Variants in TRMT11 observed in about 807,000 individuals in gnomAD.
TRMT11 encodes the protein tRNA methyltransferase 11.
A neutral mutation model predicts 62.8 loss-of-function variants in TRMT11; 53 were observed. That is an observed-to-expected ratio of 0.84 (90% CI 0.68 to 1.06). TRMT11 has a LOEUF of 1.06. TRMT11 is among the 50% of genes least tolerant of loss of function. TRMT11 has a pLI of 0.00. For missense variants in TRMT11, 556 were observed against 553.4 expected (o/e 1.00, Z -0.05); for synonymous variants, 188 against 190.3 (o/e 0.99, Z 0.10).
Position 125,999,523 on chromosome 6 carries a change from A to G in TRMT11, c.589A>G (p.Thr197Ala). 1.2e-6 allele frequency: 2 copies of G among 1,612,172 alleles called. No homozygotes were observed. Among genetic ancestry groups the G allele is most frequent in the Non-Finnish European group, 1.7e-6 (2 of 1,178,844 alleles). Residue 197 changes from threonine to alanine, a missense_variant, in exon 7 of 13, where the codon ACA (threonine) becomes GCA (alanine). Thr to Ala is a moderately conservative substitution (Grantham distance 58, BLOSUM62 0). Transcript: ENST00000334379. ...CAAAAAGAGACACTTTATTGGAAATACAAGTATGGATGCTGGTTTGTCATT... is the reference window on the plus strand; with the variant it reads ...CAAAAAGAGACACTTTATTGGAAATGCAAGTATGGATGCTGGTTTGTCATT... ...SVKKRHFIGN[T>A]SMDAGLSFIM...
intron 16 of TRMT11, among the ~76,000 whole-genome samples, chr6:126,046,203 A>C (rs1776051748): frequency 6.6e-6 from 1 of 152,160 alleles, no homozygotes. Flanking sequence ...ACTGGTGAAG[A>C]TGCTGTCAAT....
At chr6:126,127,805 GA>G (rs1777736082) in intron 21 of TRMT11, among the ~76,000 whole-genome samples, 2 of 151,978 alleles carry the variant, frequency 1.3e-5, no homozygotes, top group Non-Finnish European at 2.9e-5. Flanking sequence ...CTGTGAGGGA[GA>G]ATAGTCTGGA....
intron 1 of TRMT11, among the ~76,000 whole-genome samples, chr6:125,993,128 C>T (rs1376470813): frequency 2.0e-5 from 3 of 152,038 alleles, no homozygotes; most frequent in Non-Finnish European, 2.9e-5. Flanking sequence ...GTGATTCTAC[C>T]TGTTTTATGT....
the TRMT11 span, among the ~76,000 whole-genome samples, chr6:126,245,604 A>G: frequency 6.6e-6 from 1 of 152,244 alleles, no homozygotes; most frequent in East Asian, 1.9e-4. Flanking sequence ...GTAAGTGAAA[A>G]CTTCTGCTTT....
intron 17 of TRMT11, among the ~76,000 whole-genome samples, chr6:126,073,540 T>C (rs1776922505): frequency 6.6e-6 from 1 of 152,154 alleles, no homozygotes; most frequent in Non-Finnish European, 1.5e-5. Context: ...GATATTTAAA[T>C]CACAGTCACA....
rs763117550 is a variant in TRMT11 at position 125,986,564 on chromosome 6, G to A, written c.14G>A (p.Cys5Tyr). 41 of 1,591,210 alleles carry A rather than the reference G, an allele frequency of 2.6e-5. No homozygotes were observed. Among genetic ancestry groups the A allele is most frequent in the Non-Finnish European group, 3.4e-5 (40 of 1,171,182 alleles). Residue 5 changes from cysteine (C) to tyrosine (Y), a missense_variant, in exon 1 of 13, where the codon TGT becomes TAT. Transcript: ENST00000334379. ...TGGGCAGCTGCAATGGCGCTGTCGT[G>A]TACCCTTAACAGGTATCTGCTCCTC... MALSCTLNRYLLLMA... is the reference protein window; with the variant it reads MALSYTLNRYLLLMA...
intron 21 of TRMT11, among the ~76,000 whole-genome samples, chr6:126,140,832 G>A (rs553699377): frequency 1.3e-5 from 2 of 152,062 alleles, no homozygotes; most frequent in Non-Finnish European, 2.9e-5. Flanking sequence ...AAATAATTAT[G>A]GGAAATTTTG....
At chr6:126,019,721 T>C (rs1039639527) in intron 11 of TRMT11, among the ~76,000 whole-genome samples, 2 of 152,186 alleles carry the variant, frequency 1.3e-5, no homozygotes, top group Non-Finnish European at 1.5e-5. Context: ...GTGTAGAATA[T>C]ATTCTTTCTA....
intron 21 of TRMT11, among the ~76,000 whole-genome samples, chr6:126,171,678 G>C (rs1778331012): frequency 6.6e-6 from 1 of 152,022 alleles, no homozygotes; most frequent in African/African-American, 2.4e-5. Flanking sequence ...CTTTAATGTT[G>C]TAGTTTTAAA....
chr6:126,057,146 G>A (rs1776396282), intron 17 of TRMT11, among the ~76,000 whole-genome samples: 1 of 152,224 alleles, frequency 6.6e-6, no homozygotes, highest in Admixed American at 6.5e-5. Context: ...TTGCAAAGCA[G>A]CCTGAGCAAA....
At chr6:126,177,012 G>GAA (rs111406645), upstream of TRMT11, among the ~76,000 whole-genome samples, 1 of 140,670 alleles carries the variant, frequency 7.1e-6, no homozygotes, top group African/African-American at 2.6e-5. Context: ...TTTTTAACAA[G>GAA]AAAAAAAAAA....
chr6:126,090,985 C>T (rs1459901775), intron 17 of TRMT11, among the ~76,000 whole-genome samples: 2 of 152,026 alleles, frequency 1.3e-5, no homozygotes, highest in South Asian at 2.1e-4. Context: ...CAAAGGCTTG[C>T]GGATAACTTG....
chr6:125,993,904 A>C, intron 2 of TRMT11, 82 bp downstream of exon 2: 6 of 772,164 alleles, frequency 7.8e-6, no homozygotes, highest in Non-Finnish European at 1.0e-5. Flanking sequence ...GCATATCTTA[A>C]ATTTATATTT....
At chr6:126,175,431 T>C (rs544627278), upstream of TRMT11, among the ~76,000 whole-genome samples, 16 of 152,310 alleles carry the variant, frequency 1.1e-4, 1 homozygote, top group South Asian at 3.3e-3. Context: ...GGCTGACTGT[T>C]TTTGTAGCAA....
chr6:126,210,454 A>G, the TRMT11 span, among the ~76,000 whole-genome samples: 2 of 152,204 alleles, frequency 1.3e-5, no homozygotes, highest in Non-Finnish European at 2.9e-5. Flanking sequence ...GCAGCTATGT[A>G]AAACCCTGAA....
intron 12 of TRMT11, among the ~76,000 whole-genome samples, chr6:126,023,703 G>T (rs1484462332): frequency 6.6e-6 from 1 of 152,092 alleles, no homozygotes; most frequent in Admixed American, 6.5e-5. Context: ...ATAATATGTT[G>T]TATGTTGAAT....
Position 126,039,039 on chromosome 6 carries a change from CTTAT to C in TRMT11, c.*207_*210del. On this transcript the variant is annotated 3_prime_UTR_variant, in exon 13 of 13. Transcript: ENST00000334379. The stretch of plus-strand genomic sequence containing the variant: ...TTGTATGTATTACAGTCTTTATAAT[CTTAT>C]TTAATGTATATTTGTACTTTCAAGT... The C allele has an allele frequency of 2.4e-6, 1 of 416,218 alleles. No homozygotes were observed. The highest frequency in any genetic ancestry group is 4.2e-5 in the Admixed American group (1 of 23,732). The allele number at this position is 416,218 out of a possible 1,614,324, so 25.8% of individuals were successfully genotyped here.
chr6:126,244,163 T>C, the TRMT11 span, among the ~76,000 whole-genome samples: 5 of 151,958 alleles, frequency 3.3e-5, no homozygotes, highest in Non-Finnish European at 7.4e-5. Context: ...TTTTTCATAC[T>C]ACTTCCTTCA....
the TRMT11 span, among the ~76,000 whole-genome samples, chr6:126,234,674 A>AT: frequency 6.6e-6 from 1 of 152,182 alleles, no homozygotes; most frequent in East Asian, 1.9e-4. Flanking sequence ...ATTTCTCTAA[A>AT]TATCAATATT....
Sources: gnomAD v4.1 joint callset for allele counts (sites outside exome capture counted in the v4.1 genomes callset) on GRCh38, gnomAD v4.1.1 for gene constraint, MANE v1.5 for transcripts, NCBI Gene and HGNC (gene_info 2026-07-23, HGNC 2026-07-21) for gene names.